Variants in ADCY8 observed in about 807,000 individuals in gnomAD.
ADCY8 encodes adenylate cyclase 8.
ADCY8 carries 51 observed loss-of-function variants against 119.7 expected under a neutral mutation model. That is an observed-to-expected ratio of 0.43 (90% CI 0.34 to 0.54). The LOEUF (loss-of-function observed/expected upper bound fraction) is 0.54. Ranked by LOEUF, ADCY8 falls within the 20% of genes least tolerant of loss-of-function variation. The pLI, the probability that ADCY8 is intolerant of heterozygous loss-of-function variation, is 0.03. For missense variants in ADCY8, 1,383 were observed against 1,598.8 expected (o/e 0.87, Z 2.30); for synonymous variants, 665 against 651.0 (o/e 1.02, Z -0.33).
At chr8:131,029,774 C>T (rs1823939781) in intron 1 of ADCY8, among the ~76,000 whole-genome samples, 2 of 146,552 alleles carry the variant, frequency 1.4e-5, no homozygotes, top group African/African-American at 5.1e-5. Flanking sequence ...TGTACTTTTG[C>T]TGTATTGACA....
chr8:130,955,104 A>G (rs925548727), intron 2 of ADCY8, among the ~76,000 whole-genome samples: 3 of 152,194 alleles, frequency 2.0e-5, no homozygotes, highest in Non-Finnish European at 4.4e-5. Flanking sequence ...AAGACAGCCA[A>G]GATTCAAGAG....
chr8:130,806,943 A>G (rs983975116), intron 14 of ADCY8, among the ~76,000 whole-genome samples: 3 of 152,086 alleles, frequency 2.0e-5, no homozygotes, highest in Non-Finnish European at 4.4e-5. Flanking sequence ...CCTTCACTCA[A>G]CTCACTCCAG....
chr8:130,888,451 G>C (rs1285774141), intron 7 of ADCY8, among the ~76,000 whole-genome samples: 1 of 152,058 alleles, frequency 6.6e-6, no homozygotes, highest in Non-Finnish European at 1.5e-5. Flanking sequence ...AGCAGAAATG[G>C]CAGAGTTTGC....
At chr8:130,795,726 C>T (rs1227933455) in intron 15 of ADCY8, among the ~76,000 whole-genome samples, 1 of 152,124 alleles carries the variant, frequency 6.6e-6, no homozygotes, top group Non-Finnish European at 1.5e-5. Context: ...GAAAATTCCT[C>T]CTTGAGAGGA....
chr8:130,932,487 T>C (rs1053592768), intron 5 of ADCY8, among the ~76,000 whole-genome samples: 1 of 152,140 alleles, frequency 6.6e-6, no homozygotes, highest in African/African-American at 2.4e-5. Context: ...CACTTCCTTC[T>C]CTTTTCCCCA....
At position 130,780,343 on chromosome 8, in the gene ADCY8, T is replaced by A. The variant is rs1193274725; in HGVS notation, c.*47A>T. 1.6e-6 allele frequency: 2 copies of A among 1,235,146 alleles called. No individual in the cohort carries two copies. Among genetic ancestry groups the A allele is most frequent in the South Asian group, 6.6e-5 (2 of 30,318 alleles). The allele number at this position is 1,235,146 out of a possible 1,614,324, so 76.5% of individuals were successfully genotyped here. ...AAACCTTTTTATTAGTATATTTATT[T>A]TATATATAAAAGAAATACAAAAAAA... is the stretch of plus-strand genomic sequence containing the variant. On this transcript the variant is annotated 3_prime_UTR_variant, in exon 18 of 18. Coordinates refer to ENST00000286355, the MANE Select transcript of ADCY8 (RefSeq NM_001115.3).
chr8:131,000,707 C>T (rs1034410461), intron 1 of ADCY8, among the ~76,000 whole-genome samples: 1 of 152,118 alleles, frequency 6.6e-6, no homozygotes, highest in Non-Finnish European at 1.5e-5. Context: ...AACCCCATGG[C>T]TGAGTCTCTG....
chr8:130,794,111 C>T (rs2130084591), intron 15 of ADCY8, among the ~76,000 whole-genome samples: 1 of 152,266 alleles, frequency 6.6e-6, no homozygotes, highest in East Asian at 1.9e-4. Context: ...CAGCCAGCCA[C>T]CACCAGAAGC....
At chr8:130,817,459 G>C (rs1367421464) in intron 13 of ADCY8, among the ~76,000 whole-genome samples, 1 of 152,078 alleles carries the variant, frequency 6.6e-6, no homozygotes, top group African/African-American at 2.4e-5. Context: ...CAAATTTTAG[G>C]TACTTTTAAT....
intron 14 of ADCY8, among the ~76,000 whole-genome samples, chr8:130,813,317 C>T (rs996753855): frequency 2.6e-5 from 4 of 152,130 alleles, no homozygotes; most frequent in African/African-American, 9.7e-5. Flanking sequence ...ACCATCTTCA[C>T]CATCTATCTC....
chr8:130,848,438 G>T (rs375903907), intron 10 of ADCY8, among the ~76,000 whole-genome samples: 1 of 152,204 alleles, frequency 6.6e-6, no homozygotes, highest in South Asian at 2.1e-4. Context: ...ATTAGATGAT[G>T]AACTAAATTA....
intron 7 of ADCY8, among the ~76,000 whole-genome samples, chr8:130,901,179 A>G (rs1471632980): frequency 6.6e-6 from 1 of 151,050 alleles, no homozygotes; most frequent in African/African-American, 2.4e-5. Flanking sequence ...TTCTATCTTC[A>G]TTAAGAATAT....
rs1586407180 is a variant in ADCY8 at position 130,783,821 on chromosome 8, G to A, written c.3154-16C>T. ...CTTCACATTGCTGAAGCAAACATGA[G>A]GAGAAGAAATCATTTAATGCGGAAT... On this transcript the variant is annotated splice_polypyrimidine_tract_variant and intron_variant, in intron 16 of 17. Transcript: ENST00000286355. 3.8e-6 allele frequency: 6 copies of A among 1,592,588 alleles called. No homozygotes were observed. The highest frequency in any genetic ancestry group is 5.2e-6 in the Non-Finnish European group (6 of 1,163,386).
chr8:130,872,552 T>C (rs993280577), intron 8 of ADCY8, among the ~76,000 whole-genome samples: 1 of 152,224 alleles, frequency 6.6e-6, no homozygotes, highest in African/African-American at 2.4e-5. Flanking sequence ...TTTAAGCCTA[T>C]GTAAATCTTG....
intron 1 of ADCY8, among the ~76,000 whole-genome samples, chr8:131,010,026 A>C (rs1200622612): frequency 6.6e-6 from 1 of 152,234 alleles, no homozygotes; most frequent in Admixed American, 6.5e-5. Flanking sequence ...CCAATCCTGC[A>C]AAGTATGACT....
chr8:130,847,871 G>A (rs1817382010), intron 10 of ADCY8, among the ~76,000 whole-genome samples: 1 of 152,160 alleles, frequency 6.6e-6, no homozygotes, highest in Non-Finnish European at 1.5e-5. Flanking sequence ...CTCATAGCCT[G>A]TCTCCAGATC....
intron 12 of ADCY8, among the ~76,000 whole-genome samples, chr8:130,822,154 C>T (rs1816529609): frequency 6.6e-6 from 1 of 151,924 alleles, no homozygotes; most frequent in African/African-American, 2.4e-5. Context: ...TGATAAACTC[C>T]GTGGAAAGGA....
rs141647517 is a variant in ADCY8 at position 131,021,691 on chromosome 8, C to T, written c.960+17683G>A. Among the ~76,000 whole-genome samples, 95 of 152,200 alleles carry T rather than the reference C, an allele frequency of 6.2e-4. 1 individual carries two copies. Among genetic ancestry groups the T allele is most frequent in the African/African-American group, 2.1e-3 (88 of 41,542 alleles). On this transcript the variant is annotated intron_variant, in intron 1 of 17. Transcript: ENST00000286355. ...CGAGATCTGATGGTTTTATAAGGGG[C>T]TTTTCCCTCTTTTGCTTGGCACTTC... is the stretch of plus-strand genomic sequence containing the variant.
chr8:131,018,444 G>T (rs965295708), intron 1 of ADCY8, among the ~76,000 whole-genome samples: 1 of 152,098 alleles, frequency 6.6e-6, no homozygotes, highest in Non-Finnish European at 1.5e-5. Flanking sequence ...CCTCCCCAGG[G>T]GTTCTGTTCA....
Sources: gnomAD v4.1 joint callset for allele counts (sites outside exome capture counted in the v4.1 genomes callset) on GRCh38, gnomAD v4.1.1 for gene constraint, MANE v1.5 for transcripts, NCBI Gene and HGNC (gene_info 2026-07-23, HGNC 2026-07-21) for gene names.